Variants in TRPM3 observed in about 807,000 individuals in gnomAD.
TRPM3 encodes transient receptor potential cation channel subfamily M member 3.
A neutral mutation model predicts 181.2 loss-of-function variants in TRPM3; 77 were observed. That is an observed-to-expected ratio of 0.42 (90% CI 0.35 to 0.51). The LOEUF (loss-of-function observed/expected upper bound fraction) is 0.51. Among genes scored for constraint, TRPM3 ranks in the 20% least tolerant of loss-of-function variants. The probability of loss-of-function intolerance (pLI) is 0.01; values close to 1 mark genes in which losing one functional copy is unlikely to be tolerated. For missense variants in TRPM3, 1,759 were observed against 2,196.7 expected, an observed-to-expected ratio of 0.80 and a Z score of 3.98; for synonymous variants, 745 against 796.4, an observed-to-expected ratio of 0.94 and a Z score of 1.09.
intron 1 of TRPM3, among the ~76,000 whole-genome samples, chr9:71,396,778 AC>A (rs2093208115): frequency 6.6e-6 from 1 of 151,808 alleles, no homozygotes; most frequent in African/African-American, 2.4e-5. Context: ...CCTGGCTAAC[AC>A]GGTGAAACCC....
intron 5 of TRPM3, among the ~76,000 whole-genome samples, chr9:70,841,981 A>C (rs1304086029): frequency 6.6e-6 from 1 of 151,926 alleles, no homozygotes; most frequent in African/African-American, 2.4e-5. Flanking sequence ...GATGTTCACT[A>C]TTCAGGTGAT....
At chr9:70,995,775 C>T (rs1310356572) in intron 1 of TRPM3, among the ~76,000 whole-genome samples, 1 of 152,130 alleles carries the variant, frequency 6.6e-6, no homozygotes, top group Non-Finnish European at 1.5e-5. Context: ...CAAAATAAAG[C>T]CATGCAAAAC....
intron 22 of TRPM3, among the ~76,000 whole-genome samples, chr9:70,562,332 G>C (rs901246606): frequency 6.6e-6 from 1 of 152,158 alleles, no homozygotes; most frequent in African/African-American, 2.4e-5. Flanking sequence ...TATCCCAGGA[G>C]CCAACTGTAG....
chr9:71,087,946 T>C (rs1361762499), intron 1 of TRPM3, among the ~76,000 whole-genome samples: 4 of 152,100 alleles, frequency 2.6e-5, no homozygotes, highest in Non-Finnish European at 5.9e-5. Context: ...AATTCAAATG[T>C]TGATAGGAAG....
chr9:71,204,308 A>G (rs1173485091), intron 1 of TRPM3, among the ~76,000 whole-genome samples: 2 of 151,152 alleles, frequency 1.3e-5, no homozygotes, highest in Non-Finnish European at 3.0e-5. Flanking sequence ...TTTGCAACCT[A>G]CTCATCTGAC....
intron 1 of TRPM3, among the ~76,000 whole-genome samples, chr9:70,867,008 T>C (rs1033277322): frequency 2.0e-5 from 3 of 152,042 alleles, no homozygotes; most frequent in African/African-American, 7.2e-5. Flanking sequence ...ACCCTTGTTA[T>C]GGGCAGTACT....
chr9:71,205,248 T>TA (rs5898185), intron 1 of TRPM3, among the ~76,000 whole-genome samples: 30 of 151,600 alleles, frequency 2.0e-4, no homozygotes, highest in African/African-American at 6.3e-4. Flanking sequence ...AATCAAATAA[T>TA]AAAAAAAAAT....
chr9:71,317,115 ACTT>A (rs1476564184), intron 1 of TRPM3, among the ~76,000 whole-genome samples: 2 of 152,136 alleles, frequency 1.3e-5, no homozygotes, highest in African/African-American at 4.8e-5. Context: ...ACCAGAATGT[ACTT>A]CTTACCTGTC....
intron 6 of TRPM3, among the ~76,000 whole-genome samples, chr9:70,795,678 G>A (rs2086850753): frequency 6.6e-6 from 1 of 152,162 alleles, no homozygotes; most frequent in Non-Finnish European, 1.5e-5. Flanking sequence ...AGTCTTTCGA[G>A]TTCTGTGGGT....
At chr9:70,810,053 G>T (rs774996981) in intron 6 of TRPM3, 7 of 534,646 alleles carry the variant, frequency 1.3e-5, no homozygotes, top group Non-Finnish European at 2.7e-5. Context: ...ACAAAGGGAA[G>T]TCCACGAGTC....
At chr9:71,115,801 T>C (rs2072228637) in intron 1 of TRPM3, among the ~76,000 whole-genome samples, 1 of 152,088 alleles carries the variant, frequency 6.6e-6, no homozygotes, top group Non-Finnish European at 1.5e-5. Context: ...GAGACAGAAC[T>C]CTCCAGAGAG....
At chr9:71,379,354 T>C (rs2092739311) in intron 1 of TRPM3, among the ~76,000 whole-genome samples, 1 of 152,084 alleles carries the variant, frequency 6.6e-6, no homozygotes, top group East Asian at 1.9e-4. Context: ...TGTGAAAGCA[T>C]ACATTAGTTT....
chr9:71,245,810 C>T (rs2131990444), intron 1 of TRPM3, among the ~76,000 whole-genome samples: 1 of 152,180 alleles, frequency 6.6e-6, no homozygotes, highest in South Asian at 2.1e-4. Context: ...CTTAAAAGCT[C>T]AGGAGACAGG....
chr9:70,541,678 A>G (rs987309613), intron 25 of TRPM3, among the ~76,000 whole-genome samples: 2 of 152,100 alleles, frequency 1.3e-5, no homozygotes, highest in Non-Finnish European at 2.9e-5. Flanking sequence ...TGCAAGGCTA[A>G]TTTTGTATTT....
intron 5 of TRPM3, among the ~76,000 whole-genome samples, chr9:70,831,962 A>AATAT (rs71367232): frequency 0.035 from 2,248 of 63,844 alleles, 43 homozygotes; most frequent in East Asian, 0.092. Flanking sequence ...GTACCCCATA[A>AATAT]ATATATATAT....
intron 1 of TRPM3, among the ~76,000 whole-genome samples, chr9:71,262,704 C>T (rs10869006): frequency 0.54 from 81,675 of 152,120 alleles, 22,006 homozygotes; most frequent in Middle Eastern, 0.59. Flanking sequence ...TTGTGAAGAC[C>T]GTGGGAAAAG....
At chr9:71,105,030 A>G in intron 1 of TRPM3, among the ~76,000 whole-genome samples, 1 of 152,242 alleles carries the variant, frequency 6.6e-6, no homozygotes, top group East Asian at 1.9e-4. Context: ...AAGAATGTTC[A>G]TAGCAGCTTT....
Position 70,531,751 on chromosome 9 carries a change from T to A in TRPM3, c.*4202A>T, listed in dbSNP as rs1449368127. On this transcript the variant is annotated 3_prime_UTR_variant, in exon 26 of 26. Transcript: ENST00000677713. ...TATCATTTTAAGTTCATTTGTCATA[T>A]AGTCTTTTGCATAACATGCCAGTTC... 1 of 152,172 alleles carries A rather than the reference T, an allele frequency of 6.6e-6. No homozygotes were observed. The highest frequency in any genetic ancestry group is 6.5e-5 in the Admixed American group (1 of 15,276). 9.4% of individuals were successfully genotyped at this position (152,172 alleles called of 1,614,324 possible). A position where few individuals can be genotyped will look rare whatever the true frequency, so the allele number is the denominator to read the frequency against.
chr9:70,547,074 G>C (rs1373809786), intron 25 of TRPM3, among the ~76,000 whole-genome samples: 1 of 152,156 alleles, frequency 6.6e-6, no homozygotes, highest in Non-Finnish European at 1.5e-5. Flanking sequence ...GGCAGTGGCA[G>C]GAGGAGGAGT....
Sources: gnomAD v4.1 joint callset for allele counts (sites outside exome capture counted in the v4.1 genomes callset) on GRCh38, gnomAD v4.1.1 for gene constraint, MANE v1.5 for transcripts, NCBI Gene and HGNC (gene_info 2026-07-23, HGNC 2026-07-21) for gene names.